The following GEMIN5 variants were observed in gnomAD, a reference collection of about 807,000 sequenced individuals.
The protein encoded by GEMIN5 is gem nuclear organelle associated protein 5, also known as gem-associated protein 5.
Under a neutral mutation model 176.9 loss-of-function variants are expected in GEMIN5, and 124 were observed. That is an observed-to-expected ratio of 0.70 (90% CI 0.61 to 0.81). The LOEUF is 0.81. Ranked by LOEUF, GEMIN5 falls within the 40% of genes least tolerant of loss-of-function variation. The probability of loss-of-function intolerance (pLI) is 0.00; values close to 1 mark genes in which losing one functional copy is unlikely to be tolerated. For synonymous variants in GEMIN5, 673 were observed against 665.2 expected (o/e 1.01, Z -0.18); for missense variants, 1,843 against 1,814.6 (o/e 1.02, Z -0.28).
intron 24 of GEMIN5, among the ~76,000 whole-genome samples, chr5:154,894,800 G>A (rs964395784): frequency 3.9e-5 from 6 of 152,124 alleles, no homozygotes; most frequent in African/African-American, 9.7e-5. Flanking sequence ...CCAGCTACCC[G>A]GGAGGCTGAG....
At position 154,937,191 on chromosome 5, in the gene GEMIN5, AG is replaced by A. The variant is rs746215137; in HGVS notation, c.167-7del. The A allele has an allele frequency of 3.1e-6, 5 of 1,594,246 alleles. No homozygotes were observed. The East Asian group carries it at 1.1e-4, about 36-fold the overall frequency. On this transcript the variant is annotated splice_region_variant and splice_polypyrimidine_tract_variant and intron_variant, in intron 1 of 27. Coordinates refer to ENST00000285873, the MANE Select transcript of GEMIN5 (RefSeq NM_015465.5). Reference sequence around the variant, plus strand: ...TCCCACCAACTCTCCTATGACTTTAAGCAAAACCAGACGCTAGGTTAATCGA... The same window carrying A: ...TCCCACCAACTCTCCTATGACTTTAACAAAACCAGACGCTAGGTTAATCGA...
chr5:154,892,596 G>A, intron 24 of GEMIN5, 47 bp from the exon 25 acceptor site: 4 of 1,572,586 alleles, frequency 2.5e-6, no homozygotes, highest in Admixed American at 1.7e-5. Flanking sequence ...CCCACGGTAG[G>A]CGCAGAGGAT....
intron 3 of GEMIN5, among the ~76,000 whole-genome samples, chr5:154,932,747 A>G (rs1764194388): frequency 6.6e-6 from 1 of 152,052 alleles, no homozygotes; most frequent in African/African-American, 2.4e-5. Flanking sequence ...ATTTTTTTGT[A>G]GAGATGAGGT....
intron 11 of GEMIN5, among the ~76,000 whole-genome samples, chr5:154,918,348 C>T (rs1359741753): frequency 6.6e-6 from 1 of 152,202 alleles, no homozygotes; most frequent in Non-Finnish European, 1.5e-5. Context: ...TATATACACT[C>T]TCCTTGTTTT....
In GEMIN5 at chr5:154,927,417, G is replaced by A; in HGVS notation, c.1048C>T (p.Gln350Ter). Residue 350 changes from glutamine to a stop codon, truncating the protein, a stop_gained, in exon 7 of 28, where the codon CAG becomes TAG. Transcript: ENST00000285873. LOFTEE classifies it high-confidence loss of function. ...LCPLQTEDDK[Q>*]LLLSTSMDRD... ...TCCATTGATGTAGAAAGTAATAGCT[G>A]TTTGTCATCCTCTGTTTGTAAAGGA... 1.9e-6 allele frequency: 3 copies of A among 1,589,176 alleles called. No homozygotes were observed. Among genetic ancestry groups the A allele is most frequent in the Non-Finnish European group, 2.6e-6 (3 of 1,157,244 alleles).
chr5:154,932,814 G>A (rs1042783008), intron 3 of GEMIN5, among the ~76,000 whole-genome samples: 3 of 152,070 alleles, frequency 2.0e-5, no homozygotes, highest in Non-Finnish European at 4.4e-5. Flanking sequence ...ATCTACCTGC[G>A]TTGGCCTCCT....
chr5:154,903,231 T>C lies in GEMIN5; in HGVS notation c.2633-56A>G, dbSNP rs1763501262. 5.3e-6 allele frequency: 6 copies of C among 1,123,966 alleles called. No individual in the cohort carries two copies. The Admixed American group carries it at 1.0e-4, about 19-fold the overall frequency. 69.6% of individuals were successfully genotyped at this position (1,123,966 alleles called of 1,614,324 possible). A position where few individuals can be genotyped will look rare whatever the true frequency, so the allele number is the denominator to read the frequency against. Reference sequence around the variant, plus strand: ...TGAAGTCATTACATTGATTACAGTTTTCTCTCCAATAACTTCCGAATATAT... The same window carrying C: ...TGAAGTCATTACATTGATTACAGTTCTCTCTCCAATAACTTCCGAATATAT... On this transcript the variant is annotated intron_variant, in intron 18 of 27. Transcript: ENST00000285873.
At chr5:154,928,080 G>C (rs1160704526) in intron 6 of GEMIN5, among the ~76,000 whole-genome samples, 1 of 152,110 alleles carries the variant, frequency 6.6e-6, no homozygotes, top group Non-Finnish European at 1.5e-5. Flanking sequence ...CGTTCTTCTT[G>C]AACCATGTGA....
At chr5:154,897,317 T>G (rs974278826) in intron 23 of GEMIN5, among the ~76,000 whole-genome samples, 3 of 152,246 alleles carry the variant, frequency 2.0e-5, no homozygotes, top group African/African-American at 7.2e-5. Context: ...CTCTTGTTAG[T>G]ATCTCACAAA....
In GEMIN5 at chr5:154,926,089, G is replaced by T; in HGVS notation, c.1081-15C>A. ...CAACATTTTACCTGCAAAGATTAAC[G>T]GTAAGGGCCTAAACATAAAAAAGAA... On this transcript the variant is annotated splice_polypyrimidine_tract_variant and intron_variant, in intron 7 of 27. Coordinates refer to ENST00000285873, the MANE Select transcript of GEMIN5 (RefSeq NM_015465.5). The T allele has an allele frequency of 6.6e-7, 1 of 1,520,352 alleles. No homozygotes were observed. The highest frequency in any genetic ancestry group is 9.1e-7 in the Non-Finnish European group (1 of 1,094,964). The allele number at this position is 1,520,352 out of a possible 1,614,324, so 94.2% of individuals were successfully genotyped here.
Position 154,924,557 on chromosome 5 carries a change from A to G in GEMIN5, c.1294-3T>C, listed in dbSNP as rs1763988915. The G allele has an allele frequency of 6.2e-7, 1 of 1,600,096 alleles. No individual in the cohort carries two copies. The highest frequency in any genetic ancestry group is 8.6e-7 in the Non-Finnish European group (1 of 1,168,736). On this transcript the variant is annotated splice_polypyrimidine_tract_variant and splice_region_variant and intron_variant, in intron 8 of 27. Transcript: ENST00000285873. ...TCCTTGGTTGGGTGCCAGCACAGCT[A>G]CAAAAAAAAGAGTTTCCAAGTGAGA...
In GEMIN5 at chr5:154,902,541, G is replaced by A. The variant is rs755837290; in HGVS notation, c.2864C>T (p.Ala955Val). The A allele has an allele frequency of 5.6e-6, 9 of 1,613,762 alleles. No homozygotes were observed. ...GAACAAACAAACAAAAACCATACCT[G>A]CTGGTGCCATAGCCACAAGGTTGTC... ...LTDNLVAMAP[A>V]AGYHVWLWAV... is the part of the protein sequence containing the mutation. The change falls in exon 20 of 28, where the codon GCA becomes GTA. Residue 955 changes from alanine (A) to valine (V), a missense_variant and splice_region_variant. By Grantham distance (64) the Ala-to-Val change is moderately conservative (BLOSUM62 0). Transcript: ENST00000285873.
chr5:154,892,017 G>A (rs531445253), intron 25 of GEMIN5, among the ~76,000 whole-genome samples: 7 of 152,252 alleles, frequency 4.6e-5, no homozygotes, highest in South Asian at 2.1e-4. Context: ...CTGGGGCCAC[G>A]ACAACAGATC....
At position 154,932,191 on chromosome 5, in the gene GEMIN5, C is replaced by T; in HGVS notation, c.569G>A (p.Arg190Lys). The change falls in exon 4 of 28, where the codon AGG becomes AAG. Residue 190 changes from arginine to lysine, a missense_variant. Physicochemically the swap from Arg to Lys is conservative, Grantham distance 26. Coordinates refer to ENST00000285873, the MANE Select transcript of GEMIN5 (RefSeq NM_015465.5). ...DISKKGEVIHRLRGHDDEIHS... is the reference protein window; with the variant it reads ...DISKKGEVIHKLRGHDDEIHS... ...GATTTCATCATCATGGCCTCGAAGC[C>T]TATGAATAACTTCTCCTTTCTTACT... 1 of 1,610,688 alleles carries T rather than the reference C, an allele frequency of 6.2e-7. No homozygotes were observed. The highest frequency in any genetic ancestry group is 8.5e-7 in the Non-Finnish European group (1 of 1,176,854).
At chr5:154,894,905 TAA>T (rs75462033) in intron 24 of GEMIN5, among the ~76,000 whole-genome samples, 20 of 117,006 alleles carry the variant, frequency 1.7e-4, no homozygotes, top group Non-Finnish European at 1.4e-4. Flanking sequence ...AGACTCCATC[TAA>T]AAAAAAAAAA....
At chr5:154,935,157 T>G (rs929310771) in intron 3 of GEMIN5, among the ~76,000 whole-genome samples, 14 of 152,222 alleles carry the variant, frequency 9.2e-5, no homozygotes, top group African/African-American at 3.4e-4. Flanking sequence ...CATTTAATAC[T>G]CCCTTGACCC....
At chr5:154,896,520 A>G (rs576367940) in intron 23 of GEMIN5, among the ~76,000 whole-genome samples, 177 bp from the exon 24 acceptor site, 11 of 152,322 alleles carry the variant, frequency 7.2e-5, no homozygotes, top group Admixed American at 6.5e-5. Flanking sequence ...GGGCGATCTG[A>G]CAGACACTTC....
In GEMIN5 at chr5:154,926,058, A is replaced by G; in HGVS notation, c.1097T>C (p.Ile366Thr). 6.2e-7 allele frequency: 1 copy of G among 1,610,210 alleles called. No individual in the cohort carries two copies. The highest frequency in any genetic ancestry group is 8.5e-7 in the Non-Finnish European group (1 of 1,176,444). ...GGTCCAGCTGCACTCCAAGGTGGCT[A>G]TGTCCCAACATTTTACCTGCAAAGA... ...SMDRDVKCWD[I>T]ATLECSWTLP... The change falls in exon 8 of 28, where the codon ATA becomes ACA. Residue 366 changes from isoleucine to threonine, a missense_variant. By Grantham distance (89) the Ile-to-Thr change is moderately conservative. Transcript: ENST00000285873.
Position 154,896,326 on chromosome 5 carries a change from A to G in GEMIN5, c.3363T>C (p.Phe1121=), listed in dbSNP as rs200216146. 6.3e-7 allele frequency: 1 copy of G among 1,589,576 alleles called. No homozygotes were observed. The highest frequency in any genetic ancestry group is 8.6e-7 in the Non-Finnish European group (1 of 1,169,430). Residue 1121 remains phenylalanine (F), a synonymous_variant, in exon 24 of 28, where the codon TTT becomes TTC. Transcript: ENST00000285873. ...HESLQGQRLV[F]CLLELLSRHL... is the part of the protein sequence containing the mutation. ...GCCTGGACAGTAGCTCCAGAAGGCA[A>G]AACACCAATCTCTGACCCTGGAACA...
Sources: gnomAD v4.1 joint callset for allele counts (sites outside exome capture counted in the v4.1 genomes callset) on GRCh38, gnomAD v4.1.1 for gene constraint, MANE v1.5 for transcripts, NCBI Gene and HGNC (gene_info 2026-07-23, HGNC 2026-07-21) for gene names.